The following AKR1B10 variants were observed in gnomAD, a reference collection of about 807,000 sequenced individuals.
The protein encoded by AKR1B10 is ARP.
AKR1B10 carries 39 observed loss-of-function variants against 38.9 expected under a neutral mutation model. The ratio of observed to expected loss-of-function variants is 1.00; its 90% CI spans 0.78 to 1.31. AKR1B10 has a LOEUF of 1.31. Ranked by LOEUF, AKR1B10 falls within the 50% of genes most tolerant of loss-of-function variation. AKR1B10 has a pLI of 0.00. For synonymous variants in AKR1B10, 148 were observed against 141.2 expected (o/e 1.05, Z -0.34); for missense variants, 361 against 382.6 (o/e 0.94, Z 0.47).
intron 3 of AKR1B10, among the ~76,000 whole-genome samples, chr7:134,532,369 C>T (rs1585752255): frequency 6.6e-6 from 1 of 152,168 alleles, no homozygotes; most frequent in Non-Finnish European, 1.5e-5. Context: ...TTGGGTTACT[C>T]TTGCATAACT....
At position 134,541,067 on chromosome 7, in the gene AKR1B10, A is replaced by G. The variant is rs1808138167; in HGVS notation, c.929A>G (p.Tyr310Cys). Residue 310 changes from tyrosine to cysteine, a missense_variant, in exon 10 of 10, where the codon TAT becomes TGT. Transcript: ENST00000359579. ...TGCAGATCCTCTCATTTGGAAGACT[A>G]TCCCTTCAATGCAGAATATTGAGGT... ...NVLQSSHLED[Y>C]PFNAEY 1.9e-6 allele frequency: 3 copies of G among 1,580,096 alleles called. No individual in the cohort carries two copies. Among genetic ancestry groups the G allele is most frequent in the Admixed American group, 1.7e-5 (1 of 59,906 alleles).
intron 4 of AKR1B10, among the ~76,000 whole-genome samples, chr7:134,534,047 A>T (rs1807934496): frequency 6.6e-6 from 1 of 152,210 alleles, no homozygotes; most frequent in Non-Finnish European, 1.5e-5. Flanking sequence ...AAATGCTTAT[A>T]ATTGACATGA....
chr7:134,535,484 C>T (rs915397341), intron 4 of AKR1B10: 33 of 463,352 alleles, frequency 7.1e-5, no homozygotes, highest in African/African-American at 6.5e-4. Context: ...TTGAGAAGGG[C>T]TGGATAAAGT....
Position 134,539,046 on chromosome 7 carries a change from T to C in AKR1B10, c.908+29T>C, listed in dbSNP as rs774397340. 2.2e-5 allele frequency: 36 copies of C among 1,613,152 alleles called. No individual in the cohort carries two copies. In the South Asian group the frequency reaches 3.3e-4, roughly 15 times the overall value. On this transcript the variant is annotated intron_variant, in intron 9 of 9. Transcript: ENST00000359579. ...AGTGGCATGGAGTTAACTAGAAGCA[T>C]TGCCAGGAGTTTTTCTAAACTAATA...
At chr7:134,539,418 T>A (rs1447172634) in intron 9 of AKR1B10, among the ~76,000 whole-genome samples, 1 of 151,946 alleles carries the variant, frequency 6.6e-6, no homozygotes, top group Non-Finnish European at 1.5e-5. Context: ...CAGAAATAAA[T>A]CAACTCAAAA....
At chr7:134,540,389 G>C (rs554387869) in intron 9 of AKR1B10, among the ~76,000 whole-genome samples, 2 of 48,322 alleles carry the variant, frequency 4.1e-5, no homozygotes, top group Non-Finnish European at 7.8e-5. Context: ...AAGGGTGAAC[G>C]TAAAGTGGGA....
At chr7:134,530,391 C>G (rs1373232105) in intron 1 of AKR1B10, among the ~76,000 whole-genome samples, 3 of 152,178 alleles carry the variant, frequency 2.0e-5, no homozygotes, top group African/African-American at 7.2e-5. Flanking sequence ...TGTGTATCCT[C>G]CCAGAGATCC....
At chr7:134,536,208 C>T (rs549988305) in intron 4 of AKR1B10, among the ~76,000 whole-genome samples, 3 of 152,348 alleles carry the variant, frequency 2.0e-5, no homozygotes, top group African/African-American at 7.2e-5. Context: ...ACACAGCTTG[C>T]CCAGGTTTGG....
chr7:134,535,519 C>T (rs1807970426), intron 4 of AKR1B10: 1 of 768,404 alleles, frequency 1.3e-6, no homozygotes. Flanking sequence ...TCGTGCTTAT[C>T]CCTGCCTCTG....
At chr7:134,535,585 C>CTTTTTTTTTTTTTTT (rs58628862) in intron 4 of AKR1B10, 9 of 410,556 alleles carry the variant, frequency 2.2e-5, no homozygotes, top group Non-Finnish European at 2.7e-5. Context: ...TCTTTTCTGT[C>CTTTTTTTTTTTTTTT]TTTTTTTTTT....
intron 1 of AKR1B10, among the ~76,000 whole-genome samples, chr7:134,528,314 T>C (rs1807747909): frequency 6.6e-6 from 1 of 152,168 alleles, no homozygotes; most frequent in African/African-American, 2.4e-5. Context: ...GCTGTGGGTT[T>C]GTTGTGGGCT....
In AKR1B10 at chr7:134,538,973, C is replaced by T. The variant is rs1272042064; in HGVS notation, c.864C>T (p.Thr288=). Residue 288 remains threonine (T), a synonymous_variant, in exon 9 of 10, where the codon ACC becomes ACT. Coordinates refer to ENST00000359579, the MANE Select transcript of AKR1B10 (RefSeq NM_020299.5). The part of the protein sequence containing the change: ...DFKLSDEEMA[T]ILSFNRNWRA... ...AATTGAGTGATGAGGAGATGGCAACCATACTCAGCTTCAACAGAAACTGGA... is the reference window on the plus strand; with the variant it reads ...AATTGAGTGATGAGGAGATGGCAACTATACTCAGCTTCAACAGAAACTGGA... The T allele has an allele frequency of 2.5e-6, 4 of 1,613,948 alleles. No homozygotes were observed. The highest frequency in any genetic ancestry group is 1.7e-5 in the Admixed American group (1 of 59,998).
Position 134,538,086 on chromosome 7 carries a change from G to A in AKR1B10, c.742-108G>A, listed in dbSNP as rs191514082. 6.2e-5 allele frequency: 64 copies of A among 1,038,994 alleles called. 1 individual carries two copies. The highest frequency in any genetic ancestry group is 6.1e-4 in the Middle Eastern group (3 of 4,904). 64.4% of individuals were successfully genotyped at this position (1,038,994 alleles called of 1,614,324 possible). On this transcript the variant is annotated intron_variant, in intron 7 of 9. Transcript: ENST00000359579. ...TGTGAAGGGCTCAGTAATTATTAGC[G>A]ATTGTACCTGAAGCCACAGTGAGCT...
intron 2 of AKR1B10, among the ~76,000 whole-genome samples, chr7:134,531,307 A>G (rs1402119516): frequency 1.3e-5 from 2 of 152,240 alleles, no homozygotes; most frequent in Admixed American, 6.5e-5. Context: ...AAAAAGAAGA[A>G]GATGTTGGGT....
chr7:134,539,596 G>A (rs776763016), intron 9 of AKR1B10, among the ~76,000 whole-genome samples: 10 of 152,060 alleles, frequency 6.6e-5, no homozygotes, highest in Non-Finnish European at 7.4e-5. Context: ...CATTCTTGGC[G>A]GTGATAACAG....
chr7:134,539,097 G>C, intron 9 of AKR1B10, 80 bp downstream of exon 9: 3 of 1,557,368 alleles, frequency 1.9e-6, no homozygotes, highest in South Asian at 2.3e-5. Flanking sequence ...GGATTGGAAG[G>C]CTGCTGGGAC....
intron 9 of AKR1B10, among the ~76,000 whole-genome samples, chr7:134,539,435 T>C (rs990280536): frequency 1.3e-5 from 2 of 152,116 alleles, no homozygotes; most frequent in African/African-American, 4.8e-5. Flanking sequence ...AAAATATAGA[T>C]GTCAGACAGC....
chr7:134,530,093 C>T (rs1185161129), intron 1 of AKR1B10, among the ~76,000 whole-genome samples: 1 of 152,138 alleles, frequency 6.6e-6, no homozygotes, highest in Non-Finnish European at 1.5e-5. Flanking sequence ...CTTAGACCCA[C>T]ACACCCAGTA....
In AKR1B10 at chr7:134,538,954, G is replaced by A. The variant is rs769617480; in HGVS notation, c.845G>A (p.Ser282Asn). 6 of 1,614,058 alleles carry A rather than the reference G, an allele frequency of 3.7e-6. No homozygotes were observed. In the South Asian group the frequency reaches 6.6e-5, roughly 18 times the overall value. The stretch of plus-strand genomic sequence containing the variant: ...TTCCAGGTCTTTGACTTTAAATTGA[G>A]TGATGAGGAGATGGCAACCATACTC... ...ENIQVFDFKL[S>N]DEEMATILSF... The change falls in exon 9 of 10, where the codon AGT becomes AAT. Residue 282 changes from serine to asparagine, a missense_variant. By Grantham distance (46) the Ser-to-Asn change is conservative (BLOSUM62 1). Around this residue, in one of 3 missense-constraint regions of AKR1B10, gnomAD observed 132 missense variants for 134.6 expected, o/e 0.98. Coordinates refer to ENST00000359579, the MANE Select transcript of AKR1B10 (RefSeq NM_020299.5).
Sources: allele counts gnomAD v4.1 joint callset (sites outside exome capture counted in the v4.1 genomes callset), GRCh38; gene constraint gnomAD v4.1.1; regional missense constraint gnomAD v4.1.1; transcripts MANE v1.5; gene names NCBI Gene and HGNC (gene_info 2026-07-23, HGNC 2026-07-21).